Variants in PAX5 observed in about 807,000 individuals in gnomAD.
The protein encoded by PAX5 is paired box protein Pax-5.
In PAX5, 9 loss-of-function variants were observed where a neutral mutation model predicts 43.7. That is an observed-to-expected ratio of 0.21 (90% CI 0.12 to 0.36). PAX5 has a LOEUF of 0.36. PAX5 is among the 10% of genes least tolerant of loss of function. PAX5 has a pLI of 1.00. For synonymous variants in PAX5, 228 were observed against 214.3 expected (o/e 1.06, Z -0.56); for missense variants, 383 against 532.7 (o/e 0.72, Z 2.77).
At chr9:36,856,364 G>A (rs944891499) in intron 8 of PAX5, among the ~76,000 whole-genome samples, 2 of 152,190 alleles carry the variant, frequency 1.3e-5, no homozygotes, top group Admixed American at 6.5e-5. Context: ...AGAAACCACC[G>A]TGCAGGTCCC....
chr9:36,970,855 C>A (rs1049061123), intron 5 of PAX5, among the ~76,000 whole-genome samples: 3 of 152,174 alleles, frequency 2.0e-5, no homozygotes, highest in Non-Finnish European at 4.4e-5. Context: ...TTTTAGGAAC[C>A]ACATCCCCTG....
rs562239487 is a variant in PAX5 at position 36,847,498 on chromosome 9, G to A, written c.1013-569C>T. Among the ~76,000 whole-genome samples the A allele has an allele frequency of 2.8e-3, 424 of 152,324 alleles. 1 individual carries two copies. Among genetic ancestry groups the A allele is most frequent in the Admixed American group, 5.3e-3 (81 of 15,312 alleles). Reference sequence around the variant, plus strand: ...GGGGCCTCAGTCTCGTCAGGGAGATGAGACATAAACCCAGGCCCTCTGCCT... The same window carrying A: ...GGGGCCTCAGTCTCGTCAGGGAGATAAGACATAAACCCAGGCCCTCTGCCT... On this transcript the variant is annotated intron_variant, in intron 8 of 9. Coordinates refer to ENST00000358127, the MANE Select transcript of PAX5 (RefSeq NM_016734.3).
intron 5 of PAX5, among the ~76,000 whole-genome samples, chr9:36,994,889 C>T (rs1268492221): frequency 1.3e-5 from 2 of 152,172 alleles, no homozygotes; most frequent in Admixed American, 1.3e-4. Flanking sequence ...AGCATGGCTA[C>T]CAGGCTGCCA....
intron 6 of PAX5, among the ~76,000 whole-genome samples, chr9:36,953,948 T>G (rs1359963828): frequency 2.0e-5 from 3 of 152,200 alleles, no homozygotes; most frequent in African/African-American, 7.2e-5. Flanking sequence ...TGGTGCTGCC[T>G]GTAGTCCCAG....
At chr9:36,887,308 T>C (rs1587872437) in intron 7 of PAX5, among the ~76,000 whole-genome samples, 1 of 152,168 alleles carries the variant, frequency 6.6e-6, no homozygotes, top group South Asian at 2.1e-4. Flanking sequence ...ATCCAATCCA[T>C]ATTGGATTAT....
chr9:36,863,428 C>A (rs551124120), intron 8 of PAX5, among the ~76,000 whole-genome samples: 126 of 152,296 alleles, frequency 8.3e-4, no homozygotes, highest in African/African-American at 3.0e-3. Context: ...TGTGCCTGGC[C>A]TCAACTTACA....
At chr9:36,847,444 G>A (rs1822703891) in intron 8 of PAX5, among the ~76,000 whole-genome samples, 1 of 152,196 alleles carries the variant, frequency 6.6e-6, no homozygotes, top group Non-Finnish European at 1.5e-5. Context: ...CTGGCCCTCT[G>A]TGCTGTGAAG....
At chr9:36,961,346 C>T (rs1445577265) in intron 6 of PAX5, among the ~76,000 whole-genome samples, 2 of 152,220 alleles carry the variant, frequency 1.3e-5, no homozygotes. Flanking sequence ...CCTCCTGTGA[C>T]CTTTGAACTC....
At chr9:37,002,974 T>G (rs1838040610) in intron 4 of PAX5, 198 bp from the exon 5 acceptor site, 1 of 583,070 alleles carries the variant, frequency 1.7e-6, no homozygotes, top group African/African-American at 2.0e-5. Flanking sequence ...GCCCCAGTTC[T>G]CTGCGATGGG....
intron 5 of PAX5, among the ~76,000 whole-genome samples, chr9:36,986,622 C>G (rs1274647668): frequency 6.6e-6 from 1 of 152,084 alleles, no homozygotes; most frequent in African/African-American, 2.4e-5. Flanking sequence ...TGCCCTCCGC[C>G]CCCGGCCCTG....
At chr9:36,906,444 G>T (rs1006032503) in intron 7 of PAX5, among the ~76,000 whole-genome samples, 5 of 152,166 alleles carry the variant, frequency 3.3e-5, no homozygotes, top group African/African-American at 7.2e-5. Context: ...CAAGGAATTT[G>T]TGTGTCCTCT....
intron 6 of PAX5, among the ~76,000 whole-genome samples, chr9:36,957,130 G>A (rs150831480): frequency 2.0e-3 from 301 of 152,348 alleles, no homozygotes; most frequent in African/African-American, 6.8e-3. Flanking sequence ...CGGCATCGCT[G>A]TGCCTTGCGG....
At chr9:36,962,855 G>A (rs547682735) in intron 6 of PAX5, among the ~76,000 whole-genome samples, 1 of 152,306 alleles carries the variant, frequency 6.6e-6, no homozygotes, top group East Asian at 1.9e-4. Context: ...GAGGCAGCCA[G>A]CCTCCGCGGC....
At chr9:36,966,472 G>T in intron 6 of PAX5, 77 bp downstream of exon 6, 2 of 1,511,768 alleles carry the variant, frequency 1.3e-6, no homozygotes, top group Non-Finnish European at 1.8e-6. Flanking sequence ...CACCCCGCCA[G>T]ATGCCTCTGC....
chr9:37,029,367 C>T (rs1428688376), intron 1 of PAX5, among the ~76,000 whole-genome samples: 3 of 152,222 alleles, frequency 2.0e-5, no homozygotes, highest in Non-Finnish European at 4.4e-5. Context: ...GACAAGTTTC[C>T]GGCGCTGACA....
chr9:36,930,250 G>C (rs10814479), intron 6 of PAX5, among the ~76,000 whole-genome samples: 1 of 130,922 alleles, frequency 7.6e-6, no homozygotes, highest in South Asian at 2.5e-4. Context: ...TTGAGACAAG[G>C]TCTTGCTCTC....
At chr9:36,998,794 C>G (rs1219080592) in intron 5 of PAX5, among the ~76,000 whole-genome samples, 2 of 152,182 alleles carry the variant, frequency 1.3e-5, no homozygotes, top group Admixed American at 6.5e-5. Flanking sequence ...GTGTAAAATA[C>G]ACACCAGATT....
chr9:36,907,926 T>C (rs1828953914), intron 7 of PAX5, among the ~76,000 whole-genome samples: 1 of 152,212 alleles, frequency 6.6e-6, no homozygotes, highest in Admixed American at 6.5e-5. Context: ...GAACATGTAT[T>C]ACTTTGCAAT....
At chr9:36,933,603 C>T (rs1338609070) in intron 6 of PAX5, among the ~76,000 whole-genome samples, 1 of 152,206 alleles carries the variant, frequency 6.6e-6, no homozygotes, top group African/African-American at 2.4e-5. Flanking sequence ...ACTGCCACCC[C>T]TGAAGGTACA....
Sources: gnomAD v4.1 joint callset for allele counts (sites outside exome capture counted in the v4.1 genomes callset) on GRCh38, gnomAD v4.1.1 for gene constraint, MANE v1.5 for transcripts, NCBI Gene and HGNC (gene_info 2026-07-23, HGNC 2026-07-21) for gene names.